Variants in NEK11 observed in about 807,000 individuals in gnomAD.
NEK11 encodes serine/threonine-protein kinase Nek11.
Under a neutral mutation model 80.7 loss-of-function variants are expected in NEK11, and 72 were observed. The observed-to-expected ratio is 0.89, with a 90% CI of 0.74 to 1.08. The LOEUF (loss-of-function observed/expected upper bound fraction) is 1.08. Among genes scored for constraint, NEK11 ranks in the 50% least tolerant of loss-of-function variants. The probability of loss-of-function intolerance (pLI) is 0.00; values close to 1 mark genes in which losing one functional copy is unlikely to be tolerated. For missense variants in NEK11, 764 were observed against 763.6 expected, an observed-to-expected ratio of 1.00 and a Z score of -0.01; for synonymous variants, 251 against 260.7, an observed-to-expected ratio of 0.96 and a Z score of 0.36.
At chr3:131,060,417 C>A (rs1176810299) in intron 3 of NEK11, among the ~76,000 whole-genome samples, 1 of 152,168 alleles carries the variant, frequency 6.6e-6, no homozygotes, top group East Asian at 1.9e-4. Context: ...ATAATTCAAT[C>A]CAAGTTTATC....
intron 17 of NEK11, among the ~76,000 whole-genome samples, chr3:131,306,167 A>C (rs1374300964): frequency 6.6e-6 from 1 of 152,142 alleles, no homozygotes; most frequent in Non-Finnish European, 1.5e-5. Flanking sequence ...TAGCATAATC[A>C]TAGTTGTTTT....
At chr3:131,115,948 T>TTCTTTCTTTCTTTC (rs1382157559) in intron 5 of NEK11, among the ~76,000 whole-genome samples, 26 of 131,992 alleles carry the variant, frequency 2.0e-4, no homozygotes, top group Non-Finnish European at 2.6e-4. Context: ...CTTTCTTTCT[T>TTCTTTCTTTCTTTC]TCTTTCTTTC....
intron 14 of NEK11, among the ~76,000 whole-genome samples, chr3:131,225,181 A>G (rs1325961882): frequency 6.6e-6 from 1 of 152,106 alleles, no homozygotes; most frequent in Non-Finnish European, 1.5e-5. Flanking sequence ...TTTATACTGT[A>G]TTTTTACTGT....
intron 4 of NEK11, among the ~76,000 whole-genome samples, chr3:131,087,537 C>T (rs180992093): frequency 1.9e-4 from 29 of 152,252 alleles, no homozygotes; most frequent in Admixed American, 9.8e-4. Flanking sequence ...CCACCGTGCC[C>T]GGCCGCAAAT....
intron 17 of NEK11, among the ~76,000 whole-genome samples, chr3:131,340,599 AAT>A (rs1467455043): frequency 6.6e-6 from 1 of 152,162 alleles, no homozygotes; most frequent in African/African-American, 2.4e-5. Context: ...CTTGGTGTTT[AAT>A]AGTTTTTCAT....
At chr3:131,152,981 G>A (rs2089978752) in intron 9 of NEK11, among the ~76,000 whole-genome samples, 1 of 152,172 alleles carries the variant, frequency 6.6e-6, no homozygotes, top group African/African-American at 2.4e-5. Context: ...CAGCTACTCA[G>A]GAGGCTGAGG....
intron 14 of NEK11, among the ~76,000 whole-genome samples, chr3:131,197,244 C>T (rs111749847): frequency 0.017 from 2,568 of 152,138 alleles, 65 homozygotes; most frequent in African/African-American, 0.059. Flanking sequence ...GGAGGATGGC[C>T]GATGACTGCT....
At chr3:131,146,830 T>C (rs1488370977) in intron 7 of NEK11, among the ~76,000 whole-genome samples, 3 of 152,128 alleles carry the variant, frequency 2.0e-5, no homozygotes, top group South Asian at 2.1e-4. Flanking sequence ...CTCATGACTT[T>C]TGGCCATTTA....
At chr3:131,109,765 A>C (rs1578391472) in intron 4 of NEK11, 38 bp from the exon 5 acceptor site, 1 of 1,547,814 alleles carries the variant, frequency 6.5e-7, no homozygotes, top group African/African-American at 1.4e-5. Flanking sequence ...TTAACATATT[A>C]GCTGAAAAAA....
intron 17 of NEK11, among the ~76,000 whole-genome samples, chr3:131,279,393 G>A (rs1269696671): frequency 2.0e-5 from 3 of 152,000 alleles, no homozygotes; most frequent in Admixed American, 6.6e-5. Context: ...TTTTAATAAG[G>A]AGTATATAAT....
intron 5 of NEK11, among the ~76,000 whole-genome samples, chr3:131,130,643 CTT>C (rs1453510374): frequency 6.6e-6 from 1 of 152,008 alleles, no homozygotes; most frequent in African/African-American, 2.4e-5. Flanking sequence ...TTGTCAATTG[CTT>C]TTTCTGCATC....
chr3:131,332,211 A>AC (rs1274745935), intron 17 of NEK11, among the ~76,000 whole-genome samples: 2 of 152,158 alleles, frequency 1.3e-5, no homozygotes, highest in African/African-American at 4.8e-5. Flanking sequence ...ACTGGGAGGC[A>AC]CCCCCCAGTA....
intron 3 of NEK11, among the ~76,000 whole-genome samples, chr3:131,058,500 T>G (rs13094722): frequency 6.6e-6 from 1 of 151,966 alleles, no homozygotes; most frequent in Non-Finnish European, 1.5e-5. Context: ...CAGATTAGAG[T>G]TGCTTGGACA....
At position 131,152,644 on chromosome 3, in the gene NEK11, A is replaced by T; in HGVS notation, c.811A>T (p.Asn271Tyr). The change falls in exon 9 of 18, where the codon AAT (asparagine) becomes TAT (tyrosine). Residue 271 changes from asparagine (N) to tyrosine (Y), a missense_variant. Coordinates refer to ENST00000383366, the MANE Select transcript of NEK11 (RefSeq NM_024800.5). ...NAIMESMLNK[N>Y]PSLRPSAIEI... ...TAAACATTACAGCATGTTGAACAAG[A>T]ATCCTTCATTAAGACCATCTGCTAT... The T allele has an allele frequency of 6.2e-7, 1 of 1,613,704 alleles. No homozygotes were observed. Among genetic ancestry groups the T allele is most frequent in the Non-Finnish European group, 8.5e-7 (1 of 1,179,782 alleles).
intron 16 of NEK11, among the ~76,000 whole-genome samples, chr3:131,259,601 G>A (rs1371471345): frequency 6.6e-6 from 1 of 152,154 alleles, no homozygotes; most frequent in Non-Finnish European, 1.5e-5. Context: ...GGATGAGGCA[G>A]AGGGAGAAGT....
At chr3:131,160,480 A>G (rs1011471558) in intron 10 of NEK11, among the ~76,000 whole-genome samples, 3 of 152,216 alleles carry the variant, frequency 2.0e-5, no homozygotes, top group Admixed American at 2.0e-4. Flanking sequence ...GTACACACTG[A>G]AGTACACAGA....
At chr3:131,327,045 A>C (rs935676537) in intron 17 of NEK11, 4 of 152,324 alleles carry the variant, frequency 2.6e-5, no homozygotes, top group Non-Finnish European at 4.4e-5. Flanking sequence ...CCAGACAGCA[A>C]ATCTGCTAGC....
chr3:131,041,875 T>C (rs2066540870), intron 3 of NEK11, among the ~76,000 whole-genome samples: 1 of 151,556 alleles, frequency 6.6e-6, no homozygotes, highest in Non-Finnish European at 1.5e-5. Flanking sequence ...AGAAGGTGGG[T>C]GATTTCTGCA....
chr3:131,271,948 A>G (rs1021048737), intron 16 of NEK11, among the ~76,000 whole-genome samples: 1 of 151,714 alleles, frequency 6.6e-6, no homozygotes, highest in African/African-American at 2.4e-5. Context: ...TAAAAATACA[A>G]AATTAGCCAG....
Sources: gnomAD v4.1 joint callset for allele counts (sites outside exome capture counted in the v4.1 genomes callset) on GRCh38, gnomAD v4.1.1 for gene constraint, MANE v1.5 for transcripts, NCBI Gene and HGNC (gene_info 2026-07-23, HGNC 2026-07-21) for gene names.